The following ITGB3 variants were observed in gnomAD, a reference collection of about 807,000 sequenced individuals.
The protein encoded by ITGB3 is integrin beta-3.
A neutral mutation model predicts 85.8 loss-of-function variants in ITGB3; 48 were observed. That is an observed-to-expected ratio of 0.56 (90% confidence interval 0.44 to 0.71). ITGB3 has a LOEUF of 0.71. Ranked by LOEUF, ITGB3 falls within the 30% of genes least tolerant of loss-of-function variation. ITGB3 has a pLI of 0.00. For missense variants in ITGB3, 861 were observed against 1,019.1 expected, an observed-to-expected ratio of 0.84 and a Z score of 2.11; for synonymous variants, 363 against 395.6, an observed-to-expected ratio of 0.92 and a Z score of 0.98.
At chr17:47,298,276 G>A (rs2065152990) in intron 10 of ITGB3, among the ~76,000 whole-genome samples, 1 of 152,170 alleles carries the variant, frequency 6.6e-6, no homozygotes, top group South Asian at 2.1e-4. Context: ...GTTCACCTTA[G>A]GAAAATCTCT....
In ITGB3 at chr17:47,301,393, C is replaced by T. The variant is rs73320498; in HGVS notation, c.2014+815C>T. ...GCCAGCCAGTCAGCTTCCTGGTGGG[C>T]GTGTTATAGAAAAGAGTCAGCTCTC... On this transcript the variant is annotated intron_variant, in intron 12 of 14. Transcript: ENST00000559488. Among the ~76,000 whole-genome samples, 1,261 of 152,138 alleles carry T rather than the reference C, an allele frequency of 8.3e-3. 17 individuals carry two copies. The highest frequency in any genetic ancestry group is 0.029 in the African/African-American group (1,217 of 41,506).
In ITGB3 at chr17:47,299,522, C is replaced by T. The variant is rs1419566645; in HGVS notation, c.1905C>T (p.Thr635=). The change falls in exon 11 of 15, where the codon ACC becomes ACT. Residue 635 remains threonine (T), a synonymous_variant. Transcript: ENST00000559488. This position sits in a 1 kb window ranked among gnomAD's most constrained non-coding sequence, Gnocchi z 5.1. The part of the protein sequence containing the change: ...EKCPTCPDAC[T]FKKECVECKK... ...GCCCCACCTGCCCAGATGCCTGCACCTTTAAGAAGTGAGTGTGGAGTCTGG... is the reference window on the plus strand; with the variant it reads ...GCCCCACCTGCCCAGATGCCTGCACTTTTAAGAAGTGAGTGTGGAGTCTGG... The T allele has an allele frequency of 1.1e-5, 17 of 1,614,048 alleles. No homozygotes were observed. Among genetic ancestry groups the T allele is most frequent in the Non-Finnish European group, 1.3e-5 (15 of 1,179,898 alleles).
intron 5 of ITGB3, 50 bp from the exon 6 acceptor site, chr17:47,287,020 C>A: frequency 6.3e-7 from 1 of 1,597,336 alleles, no homozygotes; most frequent in African/African-American, 1.4e-5. Context: ...AGTGACATGG[C>A]TGAATTTGTT....
chr17:47,303,897 T>C (rs540841491), intron 13 of ITGB3: 2 of 152,100 alleles, frequency 1.3e-5, no homozygotes, highest in Admixed American at 6.5e-5. Context: ...CCACGTTTCC[T>C]ATCTTTTTTT....
intron 13 of ITGB3, among the ~76,000 whole-genome samples, chr17:47,304,304 A>G (rs1330622491): frequency 2.0e-5 from 3 of 152,206 alleles, no homozygotes; most frequent in Non-Finnish European, 4.4e-5. Context: ...GGCCTCAGAC[A>G]GTGGGGGAGA....
intron 1 of ITGB3, among the ~76,000 whole-genome samples, chr17:47,271,544 T>C (rs1007801833): frequency 6.6e-6 from 1 of 152,218 alleles, no homozygotes; most frequent in African/African-American, 2.4e-5. Flanking sequence ...CAATGAACCT[T>C]AACCTGTGGG....
intron 1 of ITGB3, among the ~76,000 whole-genome samples, chr17:47,265,135 G>C (rs1598679757): frequency 2.0e-5 from 3 of 152,304 alleles, no homozygotes; most frequent in Admixed American, 6.5e-5. Context: ...TACAGCTAAA[G>C]TAACCATTTT....
At chr17:47,298,105 G>A (rs1046851032) in intron 10 of ITGB3, among the ~76,000 whole-genome samples, 1 of 151,958 alleles carries the variant, frequency 6.6e-6, no homozygotes, top group African/African-American at 2.4e-5. Flanking sequence ...CTTGAACTGC[G>A]CCTGTAACTT....
At position 47,299,354 on chromosome 17, in the gene ITGB3, G is replaced by A; in HGVS notation, c.1737G>A (p.Trp579Ter). ...SCGDCLCDSD[W>*]TGYYCNCTTR... Reference sequence around the variant, plus strand: ...GGGACTGCCTGTGTGACTCCGACTGGACCGGCTACTACTGCAACTGTACCA... The same window carrying A: ...GGGACTGCCTGTGTGACTCCGACTGAACCGGCTACTACTGCAACTGTACCA... Residue 579 changes from tryptophan (W) to a stop codon, truncating the protein, a stop_gained, in exon 11 of 15, where the codon TGG becomes TGA. Coordinates refer to ENST00000559488, the MANE Select transcript of ITGB3 (RefSeq NM_000212.3). LOFTEE classifies it high-confidence loss of function. This position sits in a 1 kb window ranked among gnomAD's most constrained non-coding sequence, Gnocchi z 5.1. 6.2e-7 allele frequency: 1 copy of A among 1,614,174 alleles called. No individual in the cohort carries two copies. The highest frequency in any genetic ancestry group is 8.5e-7 in the Non-Finnish European group (1 of 1,180,046).
At chr17:47,256,596 T>G (rs746601055) in intron 1 of ITGB3, among the ~76,000 whole-genome samples, 37 of 152,172 alleles carry the variant, frequency 2.4e-4, no homozygotes, top group Non-Finnish European at 4.9e-4. Flanking sequence ...AGAGTTGTGT[T>G]GGGACTCCAA....
chr17:47,269,676 C>G (rs1407656873), intron 1 of ITGB3, among the ~76,000 whole-genome samples: 3 of 152,172 alleles, frequency 2.0e-5, no homozygotes, highest in African/African-American at 7.2e-5. Context: ...GTATTCTGAG[C>G]CCTCCAAGTT....
intron 1 of ITGB3, among the ~76,000 whole-genome samples, chr17:47,256,805 T>C (rs2085581637): frequency 6.6e-6 from 1 of 152,216 alleles, no homozygotes; most frequent in Admixed American, 6.5e-5. Context: ...TCTGACCTAA[T>C]TAGGTCTAAG....
At position 47,292,291 on chromosome 17, in the gene ITGB3, C is replaced by G. The variant is rs773934919; in HGVS notation, c.1413C>G (p.Ser471Arg). 2 of 1,614,116 alleles carry G rather than the reference C, an allele frequency of 1.2e-6. No individual in the cohort carries two copies. Among genetic ancestry groups the G allele is most frequent in the Non-Finnish European group, 1.7e-6 (2 of 1,180,046 alleles). ...CACQAQAEPN[S>R]HRCNNGNGTF... ...GCCAGGCCCAAGCTGAACCTAATAG[C>G]CATCGCTGCAACAATGGCAATGGGA... Residue 471 changes from serine (S) to arginine (R), a missense_variant, in exon 10 of 15, where the codon AGC becomes AGG. Ser to Arg is a moderately radical substitution (Grantham distance 110). Transcript: ENST00000559488.
chr17:47,260,241 A>G (rs761749782), intron 1 of ITGB3, among the ~76,000 whole-genome samples: 4 of 152,214 alleles, frequency 2.6e-5, no homozygotes, highest in Admixed American at 6.5e-5. Context: ...ACTTTGAACA[A>G]GTGACTTTAC....
intron 2 of ITGB3, among the ~76,000 whole-genome samples, chr17:47,277,349 A>G (rs2065067666): frequency 6.6e-6 from 1 of 152,200 alleles, no homozygotes; most frequent in Non-Finnish European, 1.5e-5. Flanking sequence ...TATGATAGCA[A>G]GTTTGGCAAA....
At chr17:47,307,715 T>C (rs778578658) in intron 14 of ITGB3, 78 bp downstream of exon 14, 46 of 1,386,704 alleles carry the variant, frequency 3.3e-5, no homozygotes, top group Non-Finnish European at 4.6e-5. Flanking sequence ...CTTTGGGTGG[T>C]CATGTTCAGC....
At chr17:47,301,324 A>C (rs1303022039) in intron 12 of ITGB3, among the ~76,000 whole-genome samples, 1 of 152,212 alleles carries the variant, frequency 6.6e-6, no homozygotes, top group Non-Finnish European at 1.5e-5. Context: ...GCAATCTCCC[A>C]TGAAGGCAGA....
intron 11 of ITGB3, 136 bp from the exon 12 acceptor site, chr17:47,300,342 C>CGTGTGTGTGTGTGTGT: frequency 1.4e-6 from 1 of 696,470 alleles, no homozygotes; most frequent in African/African-American, 1.9e-5. Flanking sequence ...CAGGCGCGCG[C>CGTGTGTGTGTGTGTGT]GCGCGTGTGT....
intron 5 of ITGB3, 129 bp downstream of exon 5, chr17:47,286,551 A>C: frequency 8.8e-7 from 1 of 1,130,144 alleles, no homozygotes; most frequent in Non-Finnish European, 1.3e-6. Context: ...TGCAGTTATG[A>C]GTAGTAAGTT....
Sources: gnomAD v4.1 joint callset for allele counts (sites outside exome capture counted in the v4.1 genomes callset) on GRCh38, gnomAD v4.1.1 for gene constraint, Gnocchi (gnomAD v3.1) non-coding constraint, MANE v1.5 for transcripts, NCBI Gene and HGNC (gene_info 2026-07-23, HGNC 2026-07-21) for gene names.